The following MINK1 variants were observed in gnomAD, a reference collection of about 807,000 sequenced individuals.
MINK1 encodes the protein misshapen-like kinase 1.
In MINK1, 46 loss-of-function variants were observed where a neutral mutation model predicts 178.4. The ratio of observed to expected loss-of-function variants is 0.26; its 90% CI spans 0.20 to 0.33. The LOEUF is 0.33. Ranked by LOEUF, MINK1 falls within the 10% of genes least tolerant of loss-of-function variation. The probability of loss-of-function intolerance (pLI) is 1.00; values close to 1 mark genes in which losing one functional copy is unlikely to be tolerated. For missense variants in MINK1, 1,366 were observed against 1,814.9 expected (o/e 0.75, Z 4.49); for synonymous variants, 797 against 709.7 (o/e 1.12, Z -1.96).
rs781376634 is a variant in MINK1 at position 4,896,118 on chromosome 17, G to A, written c.3465+15G>A. On this transcript the variant is annotated intron_variant, in intron 28 of 31. Coordinates refer to ENST00000355280, the MANE Select transcript of MINK1 (RefSeq NM_153827.5). The surrounding 1 kb of genome is among the most constrained non-coding windows in gnomAD (Gnocchi z 4.6). ...TGGCCTTCAAGGTAATCCCAGCCTCGGTCCCTAACACCATCTGGAGTCCCA... is the reference window on the plus strand; with the variant it reads ...TGGCCTTCAAGGTAATCCCAGCCTCAGTCCCTAACACCATCTGGAGTCCCA... 3.4e-5 allele frequency: 55 copies of A among 1,605,698 alleles called. No individual in the cohort carries two copies. The highest frequency in any genetic ancestry group is 1.6e-4 in the Middle Eastern group (1 of 6,070).
At chr17:4,850,625 C>T (rs1911801191) in intron 1 of MINK1, among the ~76,000 whole-genome samples, 1 of 151,676 alleles carries the variant, frequency 6.6e-6, no homozygotes, top group Admixed American at 6.6e-5. Flanking sequence ...CAGAGCTTTC[C>T]TTCCTAAGTT....
chr17:4,893,050 C>A lies in MINK1; in HGVS notation c.2383C>A (p.Arg795=). The A allele has an allele frequency of 1.3e-6, 2 of 1,566,344 alleles. No homozygotes were observed. The highest frequency in any genetic ancestry group is 1.7e-6 in the Non-Finnish European group (2 of 1,157,808). The change falls in exon 20 of 32, where the codon CGG becomes AGG. Residue 795 remains arginine (R), a synonymous_variant. Transcript: ENST00000355280. Reference sequence around the variant, plus strand: ...AGCCAAGCCCGACGACCACCGCTCACGGCCAGGCCGGCCCGCAGTGAGTCA... The same window carrying A: ...AGCCAAGCCCGACGACCACCGCTCAAGGCCAGGCCGGCCCGCAGTGAGTCA... ...NKAKPDDHRS[R]PGRPADFVLL...
chr17:4,857,974 C>T (rs1182191662), intron 1 of MINK1, among the ~76,000 whole-genome samples: 6 of 152,088 alleles, frequency 3.9e-5, no homozygotes, highest in African/African-American at 1.4e-4. Context: ...CCCCATCTGT[C>T]CTTTGTCTCT....
intron 1 of MINK1, chr17:4,844,443 C>G (rs1910703678): frequency 2.2e-6 from 1 of 449,356 alleles, no homozygotes; most frequent in African/African-American, 2.0e-5. Context: ...GTTTCATGGG[C>G]TGGAGACAGT....
rs201604019 is a variant in MINK1, at chr17:4,891,196, G to GCA, written c.1740+73_1740+74insAC. 679 of 848,588 alleles carry GCA rather than the reference G, an allele frequency of 8.0e-4. 2 individuals carry two copies. The highest frequency in any genetic ancestry group is 6.3e-3 in the East Asian group (175 of 27,620). 52.6% of individuals were successfully genotyped at this position (848,588 alleles called of 1,614,324 possible). A position where few individuals can be genotyped will look rare whatever the true frequency, so the allele number is the denominator to read the frequency against. ...GTTCAGAGCACAGGTACACACACAC[G>GCA]CGCGCACACACACACACACACACAC... On this transcript the variant is annotated intron_variant, in intron 15 of 31. Coordinates refer to ENST00000355280, the MANE Select transcript of MINK1 (RefSeq NM_153827.5).
chr17:4,876,385 G>A (rs1024138547), intron 1 of MINK1, among the ~76,000 whole-genome samples: 3 of 152,196 alleles, frequency 2.0e-5, no homozygotes, highest in Non-Finnish European at 4.4e-5. Flanking sequence ...TGATGGGGCA[G>A]GCACAGGGTG....
At chr17:4,876,438 G>GA (rs140149222) in intron 1 of MINK1, among the ~76,000 whole-genome samples, 1 of 152,160 alleles carries the variant, frequency 6.6e-6, no homozygotes, top group African/African-American at 2.4e-5. Context: ...TGAGAAAATG[G>GA]AAAAAGTGCA....
At chr17:4,862,318 T>G (rs1359276669) in intron 1 of MINK1, among the ~76,000 whole-genome samples, 1 of 152,214 alleles carries the variant, frequency 6.6e-6, no homozygotes, top group Non-Finnish European at 1.5e-5. Context: ...AAAGTGAGAA[T>G]AATAATAATA....
At position 4,897,524 on chromosome 17, in the gene MINK1, A is replaced by G; in HGVS notation, c.*237A>G. On this transcript the variant is annotated 3_prime_UTR_variant, in exon 32 of 32. Transcript: ENST00000355280. Reference sequence around the variant, plus strand: ...CTGTCCCCAGCTTCTGGGGAGGGACACAGCTTCCCCTTCCCAGGAATTGAG... The same window carrying G: ...CTGTCCCCAGCTTCTGGGGAGGGACGCAGCTTCCCCTTCCCAGGAATTGAG... The G allele has an allele frequency of 5.8e-6, 3 of 514,696 alleles. No individual in the cohort carries two copies. Among genetic ancestry groups the G allele is most frequent in the South Asian group, 2.4e-5 (1 of 41,544 alleles). The allele number at this position is 514,696 out of a possible 1,614,324, so 31.9% of individuals were successfully genotyped here.
At chr17:4,854,237 C>G (rs1912662798) in intron 1 of MINK1, among the ~76,000 whole-genome samples, 3 of 152,150 alleles carry the variant, frequency 2.0e-5, no homozygotes. Flanking sequence ...TCCCCCACCA[C>G]CTGGCTTTCT....
At chr17:4,871,568 G>C (rs1915862281) in intron 1 of MINK1, among the ~76,000 whole-genome samples, 1 of 151,938 alleles carries the variant, frequency 6.6e-6, no homozygotes. Flanking sequence ...ACATTTATCT[G>C]TTCATCAGTT....
intron 1 of MINK1, among the ~76,000 whole-genome samples, chr17:4,873,244 T>G (rs1966881489): frequency 6.6e-6 from 1 of 152,234 alleles, no homozygotes; most frequent in South Asian, 2.1e-4. Context: ...GTCTGTAAAT[T>G]GTATTTACAG....
At chr17:4,870,057 G>A (rs989165234) in intron 1 of MINK1, among the ~76,000 whole-genome samples, 2 of 151,038 alleles carry the variant, frequency 1.3e-5, no homozygotes, top group Non-Finnish European at 3.0e-5. Flanking sequence ...ACAGGCACCC[G>A]CCATCATGCC....
chr17:4,884,571 T>A, intron 5 of MINK1, 98 bp downstream of exon 5: 1 of 899,118 alleles, frequency 1.1e-6, no homozygotes, highest in Non-Finnish European at 1.8e-6. Context: ...GAGACATCAC[T>A]GCCCTCTTTA....
In MINK1 at chr17:4,894,407, G is replaced by T; in HGVS notation, c.2808+96G>T. 1.3e-6 allele frequency: 2 copies of T among 1,537,662 alleles called. No homozygotes were observed. Among genetic ancestry groups the T allele is most frequent in the Non-Finnish European group, 1.8e-6 (2 of 1,136,198 alleles). On this transcript the variant is annotated intron_variant, in intron 23 of 31. Coordinates refer to ENST00000355280, the MANE Select transcript of MINK1 (RefSeq NM_153827.5). The surrounding 1 kb of genome is among the most constrained non-coding windows in gnomAD (Gnocchi z 4.1). ...GTAACGGCAGAGGATGGGGCGGAGC[G>T]CTGGGAGCTGGACAGCGGGGGTGCC...
Position 4,892,238 on chromosome 17 carries a change from A to C in MINK1, c.2087+4A>C. On this transcript the variant is annotated splice_donor_region_variant and intron_variant, in intron 17 of 31. Coordinates refer to ENST00000355280, the MANE Select transcript of MINK1 (RefSeq NM_153827.5). ...CAGCCCAGGCAGTCCGTGCCAGGTA[A>C]TGCCTGGGTAGGGCAACGCCTGGGT... is the stretch of plus-strand genomic sequence containing the variant. 1.3e-6 allele frequency: 2 copies of C among 1,571,408 alleles called. No homozygotes were observed. Among genetic ancestry groups the C allele is most frequent in the East Asian group, 4.7e-5 (2 of 42,366 alleles).
Position 4,860,821 on chromosome 17 carries a change from T to C in MINK1, c.58-17496T>C, listed in dbSNP as rs997843616. On this transcript the variant is annotated intron_variant, in intron 1 of 31. Coordinates refer to ENST00000355280, the MANE Select transcript of MINK1 (RefSeq NM_153827.5). ...GTGTCCCTTAACTGTACAGCACCAGTGCGCGCCACGTGCTGGGGAGATGCC... is the reference window on the plus strand; with the variant it reads ...GTGTCCCTTAACTGTACAGCACCAGCGCGCGCCACGTGCTGGGGAGATGCC... 29 of 519,112 alleles carry C rather than the reference T, an allele frequency of 5.6e-5. 1 individual carries two copies. Among genetic ancestry groups the C allele is most frequent in the Non-Finnish European group, 3.9e-6 (1 of 259,596 alleles). 32.2% of individuals were successfully genotyped at this position (519,112 alleles called of 1,614,324 possible). A position where few individuals can be genotyped will look rare whatever the true frequency, so the allele number is the denominator to read the frequency against.
rs373288865 is a variant in MINK1 at position 4,895,059 on chromosome 17, C to T, written c.2918-16C>T. 1.9e-6 allele frequency: 3 copies of T among 1,612,576 alleles called. No homozygotes were observed. The highest frequency in any genetic ancestry group is 1.7e-5 in the Admixed American group (1 of 59,956). ...AAGCTGCAGCCCCTCCTCCCACCTCCTCCTCCTTCTGGCAGCCCTAGTGGG... is the reference window on the plus strand; with the variant it reads ...AAGCTGCAGCCCCTCCTCCCACCTCTTCCTCCTTCTGGCAGCCCTAGTGGG... On this transcript the variant is annotated splice_polypyrimidine_tract_variant and intron_variant, in intron 24 of 31. Coordinates refer to ENST00000355280, the MANE Select transcript of MINK1 (RefSeq NM_153827.5). The surrounding 1 kb of genome is among the most constrained non-coding windows in gnomAD (Gnocchi z 4.3).
Position 4,887,055 on chromosome 17 carries a change from C to T in MINK1, c.950-55C>T, listed in dbSNP as rs1377477844. 2.0e-6 allele frequency: 3 copies of T among 1,536,326 alleles called. No homozygotes were observed. The highest frequency in any genetic ancestry group is 2.6e-6 in the Non-Finnish European group (3 of 1,132,946). ...TTATCCCCACCCAAGGTTTCCCTAG[C>T]CCACGGCGGGTCTGGGGCGCTGGGT... On this transcript the variant is annotated intron_variant, in intron 10 of 31. Coordinates refer to ENST00000355280, the MANE Select transcript of MINK1 (RefSeq NM_153827.5). This position sits in a 1 kb window ranked among gnomAD's most constrained non-coding sequence, Gnocchi z 7.6.
Sources: gnomAD v4.1 joint callset for allele counts (sites outside exome capture counted in the v4.1 genomes callset) on GRCh38, gnomAD v4.1.1 for gene constraint, Gnocchi (gnomAD v3.1) non-coding constraint, MANE v1.5 for transcripts, NCBI Gene and HGNC (gene_info 2026-07-23, HGNC 2026-07-21) for gene names.